The following ULK4 variants were observed in gnomAD, a reference collection of about 807,000 sequenced individuals.
ULK4 encodes inactive serine/threonine-protein kinase ULK4.
Under a neutral mutation model 160.6 loss-of-function variants are expected in ULK4, and 133 were observed. The ratio of observed to expected loss-of-function variants is 0.83; its 90% CI spans 0.72 to 0.96. The LOEUF (loss-of-function observed/expected upper bound fraction) is 0.96, where lower values mean the gene tolerates loss of function less well. ULK4 is among the 40% of genes least tolerant of loss of function. The pLI is 0.00. For missense variants in ULK4, 1,580 were observed against 1,499.5 expected (o/e 1.05, Z -0.89); for synonymous variants, 534 against 539.8 (o/e 0.99, Z 0.15).
At chr3:41,426,998 T>C (rs1285003167) in intron 34 of ULK4, among the ~76,000 whole-genome samples, 2 of 150,258 alleles carry the variant, frequency 1.3e-5, no homozygotes, top group Non-Finnish European at 3.0e-5. Context: ...TTGAAAAAAT[T>C]AATAGATATA....
chr3:41,504,004 CA>C (rs1416009751), intron 32 of ULK4, among the ~76,000 whole-genome samples: 7 of 151,930 alleles, frequency 4.6e-5, no homozygotes, highest in Middle Eastern at 6.8e-3. Context: ...GCAAACAAAA[CA>C]AAAACAACAA....
At chr3:41,388,571 C>G (rs1226606008) in intron 35 of ULK4, among the ~76,000 whole-genome samples, 2 of 152,104 alleles carry the variant, frequency 1.3e-5, no homozygotes, top group African/African-American at 4.8e-5. Context: ...AGGAAGGGAT[C>G]AAGTTTCAGC....
chr3:41,273,053 ATTT>A (rs1235528974), intron 35 of ULK4, among the ~76,000 whole-genome samples: 1 of 152,044 alleles, frequency 6.6e-6, no homozygotes, highest in Non-Finnish European at 1.5e-5. Flanking sequence ...GATAGACTGT[ATTT>A]TTCTGCCTCT....
intron 21 of ULK4, among the ~76,000 whole-genome samples, chr3:41,771,027 TAA>T (rs1432826448): frequency 6.6e-6 from 1 of 152,180 alleles, no homozygotes; most frequent in African/African-American, 2.4e-5. Flanking sequence ...TTGTAAATAT[TAA>T]GAGAGAATTA....
intron 35 of ULK4, among the ~76,000 whole-genome samples, chr3:41,329,176 TA>T (rs948237841): frequency 6.6e-6 from 1 of 152,222 alleles, no homozygotes; most frequent in Non-Finnish European, 1.5e-5. Context: ...TTTCAGTCAG[TA>T]AAATGCTCTT....
chr3:41,715,347 G>C (rs1237293460), intron 24 of ULK4, 54 bp from the exon 25 acceptor site: 3 of 1,609,952 alleles, frequency 1.9e-6, no homozygotes, highest in Non-Finnish European at 2.5e-6. Flanking sequence ...TACAACGTTA[G>C]CTCAATAAAA....
In ULK4 at chr3:41,510,409, C is replaced by T. The variant is rs376009079; in HGVS notation, c.3227-47156G>A. Among the ~76,000 whole-genome samples the T allele has an allele frequency of 9.9e-5, 15 of 152,238 alleles. No individual in the cohort carries two copies. In the East Asian group the frequency reaches 2.5e-3, roughly 25 times the overall value. ...GGGGATTTTAATACTCCACTAACAG[C>T]ACTAGACAGGTCATCAAGACAGAAA... On this transcript the variant is annotated intron_variant, in intron 32 of 36. Transcript: ENST00000301831.
chr3:41,812,820 G>C (rs148509897), intron 19 of ULK4, among the ~76,000 whole-genome samples: 2 of 152,006 alleles, frequency 1.3e-5, no homozygotes, highest in Non-Finnish European at 2.9e-5. Flanking sequence ...AGGAATATTT[G>C]GCATTGAATT....
At chr3:41,793,631 C>T (rs2040213805) in intron 20 of ULK4, among the ~76,000 whole-genome samples, 1 of 152,130 alleles carries the variant, frequency 6.6e-6, no homozygotes, top group Admixed American at 6.5e-5. Flanking sequence ...ATCCTGCATA[C>T]TTCTTCACTT....
intron 16 of ULK4, among the ~76,000 whole-genome samples, chr3:41,894,586 A>G (rs1698087389): frequency 6.6e-6 from 1 of 152,190 alleles, no homozygotes; most frequent in Non-Finnish European, 1.5e-5. Context: ...TAAATGAAAT[A>G]CCCACTAAGA....
At chr3:41,588,386 T>C (rs1004997979) in intron 31 of ULK4, among the ~76,000 whole-genome samples, 3 of 152,264 alleles carry the variant, frequency 2.0e-5, no homozygotes, top group African/African-American at 7.2e-5. Flanking sequence ...GATTATGCTT[T>C]GAATTTTCAA....
chr3:41,839,531 AAAAT>A (rs1195107057), intron 17 of ULK4, among the ~76,000 whole-genome samples: 5 of 151,392 alleles, frequency 3.3e-5, no homozygotes, highest in African/African-American at 1.2e-4. Flanking sequence ...AGCAGACATC[AAAAT>A]AATAAAGGAA....
intron 18 of ULK4, among the ~76,000 whole-genome samples, chr3:41,820,769 G>A (rs1012532710): frequency 6.6e-6 from 1 of 151,926 alleles, no homozygotes; most frequent in Non-Finnish European, 1.5e-5. Flanking sequence ...TGTACACCCT[G>A]AATCTAAAAT....
intron 27 of ULK4, among the ~76,000 whole-genome samples, chr3:41,703,848 ACACACACACACACACACACACACAC>A (rs2036768565): frequency 6.9e-6 from 1 of 144,154 alleles, no homozygotes; most frequent in African/African-American, 2.5e-5. Flanking sequence ...ACACACACAC[ACACACACACACACACACACACACAC>A]ACAAGTTAAC....
At chr3:41,893,247 T>A (rs1382462019) in intron 16 of ULK4, among the ~76,000 whole-genome samples, 1 of 152,226 alleles carries the variant, frequency 6.6e-6, no homozygotes, top group African/African-American at 2.4e-5. Context: ...GAGAATGAAC[T>A]AAATGCCATT....
Position 41,774,399 on chromosome 3 carries a change from C to A in ULK4, c.2193+15262G>T, listed in dbSNP as rs570374151. ...AAGAAAAAACCAAACAACCCCATCA[C>A]AAAGTGGGCAAAGGATATGAACAGA... On this transcript the variant is annotated intron_variant, in intron 21 of 36. Coordinates refer to ENST00000301831, the MANE Select transcript of ULK4 (RefSeq NM_017886.4). Among the ~76,000 whole-genome samples the A allele has an allele frequency of 8.9e-3, 1,336 of 150,546 alleles. 9 individuals are homozygous for A. The highest frequency in any genetic ancestry group is 0.028 in the South Asian group (137 of 4,820).
At chr3:41,776,101 T>C (rs2039610205) in intron 21 of ULK4, among the ~76,000 whole-genome samples, 1 of 150,990 alleles carries the variant, frequency 6.6e-6, no homozygotes, top group African/African-American at 2.5e-5. Context: ...CTGGCCCATA[T>C]CTCTGCCAGC....
Position 41,954,740 on chromosome 3 carries a change from T to C in ULK4, c.20A>G (p.Tyr7Cys), listed in dbSNP as rs1170033873. 3 of 1,613,464 alleles carry C rather than the reference T, an allele frequency of 1.9e-6. No homozygotes were observed. The highest frequency in any genetic ancestry group is 2.5e-6 in the Non-Finnish European group (3 of 1,179,816). ...CTTGCTTCCTCTTCCGATCTCCTCA[T>C]ACAGAATAAAGTTTTCCATCTCTGG... MENFIL[Y>C]EEIGRGSKTV... The change falls in exon 2 of 37, where the codon TAT becomes TGT. Residue 7 changes from tyrosine to cysteine, a missense_variant. Coordinates refer to ENST00000301831, the MANE Select transcript of ULK4 (RefSeq NM_017886.4).
intron 25 of ULK4, 28 bp downstream of exon 25, chr3:41,715,209 G>T: frequency 6.2e-7 from 1 of 1,604,096 alleles, no homozygotes; most frequent in Non-Finnish European, 8.5e-7. Flanking sequence ...AATTTTATTA[G>T]AAACAAGGAA....
Sources: gnomAD v4.1 joint callset for allele counts (sites outside exome capture counted in the v4.1 genomes callset) on GRCh38, gnomAD v4.1.1 for gene constraint, MANE v1.5 for transcripts, NCBI Gene and HGNC (gene_info 2026-07-23, HGNC 2026-07-21) for gene names.